The following HDAC9 variants were observed in gnomAD, a reference collection of about 807,000 sequenced individuals.
HDAC9 encodes the protein MEF-2 interacting transcription repressor (MITR) protein.
A neutral mutation model predicts 139.4 loss-of-function variants in HDAC9; 41 were observed. The observed-to-expected ratio is 0.29, with a 90% CI of 0.23 to 0.38. HDAC9 has a LOEUF of 0.38. Among genes scored for constraint, HDAC9 ranks in the 10% least tolerant of loss-of-function variants. The pLI is 1.00. For synonymous variants in HDAC9, 517 were observed against 476.2 expected, an observed-to-expected ratio of 1.09 and a Z score of -1.12; for missense variants, 1,147 against 1,297.0, an observed-to-expected ratio of 0.88 and a Z score of 1.78.
At position 18,664,882 on chromosome 7, in the gene HDAC9, G is replaced by T. The variant is rs575662247; in HGVS notation, c.1468-1331G>T. Among the ~76,000 whole-genome samples the T allele has an allele frequency of 6.6e-5, 10 of 152,264 alleles. No individual in the cohort carries two copies. In the South Asian group the frequency reaches 8.3e-4, roughly 13 times the overall value. ...AAAGCTCCATGAGGGCAGAGCAGTG[G>T]CTATTTTTCTAATGCTTAGCATGGT... On this transcript the variant is annotated intron_variant, in intron 11 of 25. Coordinates refer to ENST00000686413, the MANE Select transcript of HDAC9 (RefSeq NM_178425.4).
At chr7:18,310,430 G>A (rs989884360) in intron 1 of HDAC9, among the ~76,000 whole-genome samples, 1 of 152,148 alleles carries the variant, frequency 6.6e-6, no homozygotes, top group Non-Finnish European at 1.5e-5. Context: ...AATTTGGTCA[G>A]TAAAGTAAGA....
At chr7:18,601,923 G>T (rs1300525771) in intron 6 of HDAC9, among the ~76,000 whole-genome samples, 2 of 152,064 alleles carry the variant, frequency 1.3e-5, no homozygotes, top group Non-Finnish European at 2.9e-5. Flanking sequence ...TTGATCAATG[G>T]CTATCTATTC....
intron 1 of HDAC9, among the ~76,000 whole-genome samples, chr7:18,422,314 T>C (rs1167793799): frequency 6.6e-6 from 1 of 152,164 alleles, no homozygotes; most frequent in East Asian, 1.9e-4. Context: ...GGTCTAGTTA[T>C]TGCAAGGGAG....
intron 6 of HDAC9, among the ~76,000 whole-genome samples, chr7:18,595,650 G>A (rs1304580939): frequency 6.6e-6 from 1 of 152,022 alleles, no homozygotes; most frequent in Non-Finnish European, 1.5e-5. Flanking sequence ...ACTGATGAGT[G>A]ATATAGTTAC....
chr7:18,819,961 T>G (rs1794839677), intron 17 of HDAC9, among the ~76,000 whole-genome samples: 1 of 152,212 alleles, frequency 6.6e-6, no homozygotes, highest in Non-Finnish European at 1.5e-5. Context: ...TTCCATGTTA[T>G]TATGTAGAAA....
At chr7:18,135,032 A>G (rs1785289684) in intron 1 of HDAC9, among the ~76,000 whole-genome samples, 2 of 152,146 alleles carry the variant, frequency 1.3e-5, no homozygotes, top group Admixed American at 1.3e-4. Context: ...TGGAAGCATG[A>G]TAGTAATAGT....
intron 1 of HDAC9, among the ~76,000 whole-genome samples, chr7:18,396,127 C>CCCTTG (rs1422758090): frequency 2.5e-5 from 3 of 120,676 alleles, no homozygotes; most frequent in Non-Finnish European, 3.2e-5. Context: ...CCCTTCCCTT[C>CCCTTG]CCTTGCCTTC....
upstream of HDAC9, among the ~76,000 whole-genome samples, chr7:18,289,558 G>A (rs1023494183): frequency 6.6e-6 from 1 of 152,144 alleles, no homozygotes; most frequent in Admixed American, 6.5e-5. Flanking sequence ...TGAGGCTTCA[G>A]GATGATTTGG....
intron 22 of HDAC9, among the ~76,000 whole-genome samples, chr7:18,926,240 C>G (rs1223701250): frequency 6.6e-6 from 1 of 151,940 alleles, no homozygotes; most frequent in African/African-American, 2.4e-5. Context: ...CCAAGCTAGT[C>G]AGTAGACTGA....
chr7:18,926,306 C>T (rs546271113), intron 22 of HDAC9, among the ~76,000 whole-genome samples: 23 of 152,138 alleles, frequency 1.5e-4, no homozygotes, highest in Non-Finnish European at 2.5e-4. Context: ...ATGATGATGC[C>T]ACTACACTCC....
chr7:18,103,696 C>A (rs929900976), intron 1 of HDAC9, among the ~76,000 whole-genome samples: 2 of 152,134 alleles, frequency 1.3e-5, no homozygotes, highest in Non-Finnish European at 2.9e-5. Context: ...AGTGAAATGA[C>A]GTACAAGGAA....
At chr7:18,598,185 A>T (rs1412474793) in intron 6 of HDAC9, among the ~76,000 whole-genome samples, 2 of 152,096 alleles carry the variant, frequency 1.3e-5, no homozygotes, top group African/African-American at 4.8e-5. Flanking sequence ...GCATGTGTGA[A>T]TTGCATACAT....
intron 2 of HDAC9, among the ~76,000 whole-genome samples, chr7:18,174,817 C>T (rs1178349): frequency 0.021 from 3,179 of 152,228 alleles, 117 homozygotes; most frequent in African/African-American, 0.073. Context: ...CCTGATCCTT[C>T]CTCTGGAAAC....
At chr7:18,421,652 C>A (rs546462780) in intron 1 of HDAC9, among the ~76,000 whole-genome samples, 1 of 152,246 alleles carries the variant, frequency 6.6e-6, no homozygotes, top group East Asian at 1.9e-4. Context: ...GGCATAATTT[C>A]CTAAATTATT....
At chr7:18,860,605 C>T (rs1798032810) in intron 21 of HDAC9, among the ~76,000 whole-genome samples, 2 of 151,960 alleles carry the variant, frequency 1.3e-5, no homozygotes, top group Admixed American at 6.6e-5. Flanking sequence ...ATGTCTTAAA[C>T]TCTTTTCCTG....
intron 1 of HDAC9, chr7:18,395,245 C>T (rs1278961636): frequency 2.6e-5 from 4 of 152,036 alleles, no homozygotes; most frequent in Non-Finnish European, 5.9e-5. Context: ...AATAGTTTAA[C>T]CTTAAAATAG....
intron 12 of HDAC9, among the ~76,000 whole-genome samples, chr7:18,673,959 A>G (rs1795813096): frequency 6.6e-6 from 1 of 152,048 alleles, no homozygotes; most frequent in Non-Finnish European, 1.5e-5. Context: ...TTACCGCTCC[A>G]TTCTCATCTC....
rs181232135 is a variant in HDAC9, at chr7:18,240,356, G to A, written c.25+78007G>A. On this transcript the variant is annotated intron_variant, in intron 2 of 12. Coordinates refer to the HDAC9 transcript ENST00000417496. ...GTGTTCTGATTTCTTACCCTATACT[G>A]CATTTTCCCCTATGGAAAAAGTACC... Among the ~76,000 whole-genome samples the A allele has an allele frequency of 1.6e-4, 25 of 152,046 alleles. No individual in the cohort carries two copies. The East Asian group carries it at 4.6e-3, about 28-fold the overall frequency.
chr7:18,438,389 G>A (rs1215887114), intron 1 of HDAC9, among the ~76,000 whole-genome samples: 3 of 151,944 alleles, frequency 2.0e-5, no homozygotes, highest in Admixed American at 6.6e-5. Context: ...AAAGTTTGAG[G>A]GACCATGTTT....
Sources: gnomAD v4.1 joint callset for allele counts (sites outside exome capture counted in the v4.1 genomes callset) on GRCh38, gnomAD v4.1.1 for gene constraint, MANE v1.5 for transcripts, NCBI Gene and HGNC (gene_info 2026-07-23, HGNC 2026-07-21) for gene names.